Variants in WDR25 observed in about 807,000 individuals in gnomAD.
WDR25 encodes WD repeat-containing protein 25.
In WDR25, 35 loss-of-function variants were observed where a neutral mutation model predicts 47.7. That is an observed-to-expected ratio of 0.73 (90% CI 0.56 to 0.97). The LOEUF (loss-of-function observed/expected upper bound fraction) is 0.97, where lower values mean the gene tolerates loss of function less well. WDR25 is among the 50% of genes least tolerant of loss of function. The pLI, the probability that WDR25 is intolerant of heterozygous loss-of-function variation, is 0.00. For synonymous variants in WDR25, 248 were observed against 278.9 expected, an observed-to-expected ratio of 0.89 and a Z score of 1.10; for missense variants, 634 against 704.7, an observed-to-expected ratio of 0.90 and a Z score of 1.14.
intron 2 of WDR25, among the ~76,000 whole-genome samples, chr14:100,455,987 G>C (rs1899192012): frequency 6.6e-6 from 1 of 152,172 alleles, no homozygotes; most frequent in Non-Finnish European, 1.5e-5. Context: ...TGGAGGTGAG[G>C]AGGTGGGGTA....
chr14:100,454,229 T>C (rs1266158206), intron 2 of WDR25, among the ~76,000 whole-genome samples: 1 of 152,144 alleles, frequency 6.6e-6, no homozygotes, highest in African/African-American at 2.4e-5. Flanking sequence ...GTGAAGCTGG[T>C]GGTGGTGGTG....
chr14:100,426,838 G>T (rs956699173), intron 2 of WDR25, among the ~76,000 whole-genome samples: 1 of 152,142 alleles, frequency 6.6e-6, no homozygotes, highest in Non-Finnish European at 1.5e-5. Flanking sequence ...CAGCAATGCC[G>T]CCTGGTATGG....
intron 2 of WDR25, among the ~76,000 whole-genome samples, chr14:100,401,254 G>C (rs1897374194): frequency 6.6e-6 from 1 of 152,148 alleles, no homozygotes; most frequent in Non-Finnish European, 1.5e-5. Flanking sequence ...CAGAGCCAGA[G>C]AGGCCCAGTT....
chr14:100,397,033 T>C (rs1897274704), intron 2 of WDR25, among the ~76,000 whole-genome samples: 1 of 152,242 alleles, frequency 6.6e-6, no homozygotes, highest in Non-Finnish European at 1.5e-5. Context: ...GAGATGCTGC[T>C]GGAGGGGTGG....
chr14:100,452,040 C>G (rs903929059), intron 2 of WDR25, among the ~76,000 whole-genome samples: 4 of 152,146 alleles, frequency 2.6e-5, no homozygotes, highest in African/African-American at 4.8e-5. Context: ...CATTAATCAC[C>G]CATCCCTTCA....
At chr14:100,521,350 G>A (rs1327991158) in intron 4 of WDR25, among the ~76,000 whole-genome samples, 2 of 152,104 alleles carry the variant, frequency 1.3e-5, no homozygotes, top group Non-Finnish European at 2.9e-5. Context: ...GGTACATTTC[G>A]AGAAATCATC....
chr14:100,380,473 T>C (rs1360601822), intron 1 of WDR25, among the ~76,000 whole-genome samples: 1 of 151,614 alleles, frequency 6.6e-6, no homozygotes, highest in Non-Finnish European at 1.5e-5. Context: ...AAGCCTTTTT[T>C]GTTTTTGTAT....
In WDR25 at chr14:100,428,912, G is replaced by A. The variant is rs908700099; in HGVS notation, c.823-39109G>A. On this transcript the variant is annotated intron_variant, in intron 2 of 6. Transcript: ENST00000402312. The surrounding 1 kb of genome is among the most constrained non-coding windows in gnomAD (Gnocchi z 4.3). Reference sequence around the variant, plus strand: ...CTCTTGCGTCTTTGGCACCAGAGGCGTCATCCCCCGAGCCACTCTGAGTCA... The same window carrying A: ...CTCTTGCGTCTTTGGCACCAGAGGCATCATCCCCCGAGCCACTCTGAGTCA... 6.6e-6 allele frequency among the ~76,000 whole-genome samples: 1 copy of A among 151,980 alleles called. No homozygotes were observed.
At chr14:100,448,703 A>T (rs1305523664) in intron 2 of WDR25, among the ~76,000 whole-genome samples, 1 of 152,136 alleles carries the variant, frequency 6.6e-6, no homozygotes, top group Admixed American at 6.6e-5. Flanking sequence ...CATTATAAAA[A>T]TGCATTGTTT....
rs144655522 is a variant in WDR25, at chr14:100,425,582, A to G, written c.823-42439A>G. Reference sequence around the variant, plus strand: ...CCCTGGCAGCCCAGCTCTCCTAAACATGAAGCTCATCAGGCAGCACCGTCG... The same window carrying G: ...CCCTGGCAGCCCAGCTCTCCTAAACGTGAAGCTCATCAGGCAGCACCGTCG... On this transcript the variant is annotated intron_variant, in intron 2 of 6. Coordinates refer to ENST00000402312, the MANE Select transcript of WDR25 (RefSeq NM_001161476.3). This position sits in a 1 kb window ranked among gnomAD's most constrained non-coding sequence, Gnocchi z 4.8. 2.4e-3 allele frequency among the ~76,000 whole-genome samples: 361 copies of G among 152,326 alleles called. 1 individual carries two copies. The East Asian group carries it at 0.025, about 10-fold the overall frequency.
intron 3 of WDR25, among the ~76,000 whole-genome samples, chr14:100,479,094 T>C (rs933930593): frequency 1.5e-5 from 2 of 136,666 alleles, no homozygotes; most frequent in African/African-American, 5.5e-5. Context: ...GGGACTGCAG[T>C]GGTATCCGTG....
At chr14:100,447,103 A>G (rs1898861213) in intron 2 of WDR25, among the ~76,000 whole-genome samples, 1 of 152,202 alleles carries the variant, frequency 6.6e-6, no homozygotes, top group Non-Finnish European at 1.5e-5. Flanking sequence ...CTCCATTTAT[A>G]ATAACAGCTA....
chr14:100,377,776 G>A (rs1368770550), intron 1 of WDR25, among the ~76,000 whole-genome samples: 2 of 152,170 alleles, frequency 1.3e-5, no homozygotes, highest in Non-Finnish European at 2.9e-5. Context: ...TTGGGGGAAA[G>A]GTGTGGAAGA....
rs2030391376 is a variant in WDR25, at chr14:100,529,829, TA to T, written c.1424del (p.Tyr475SerfsTer15). The T allele has an allele frequency of 6.2e-7, 1 of 1,611,976 alleles. No individual in the cohort carries two copies. Among genetic ancestry groups the T allele is most frequent in the Non-Finnish European group, 8.5e-7 (1 of 1,179,820 alleles). On this transcript the variant is annotated frameshift_variant, in exon 7 of 7. Transcript: ENST00000402312. LOFTEE classifies it high-confidence loss of function. The surrounding 1 kb of genome is among the most constrained non-coding windows in gnomAD (Gnocchi z 5.1). Reference protein sequence around the residue: ...RRYEGHKVEGYSVGCECSPGG... With the variant: ...RRYEGHKVEGXSVGCECSPGG... ...GTGTCCCTCTCTGCAGGTGGAGGGC[TA>T]CTCAGTGGGCTGCGAGTGCTCCCCA...
chr14:100,414,493 A>G (rs151098106), intron 2 of WDR25, among the ~76,000 whole-genome samples: 5,549 of 150,698 alleles, frequency 0.037, 280 homozygotes, highest in African/African-American at 0.12. Flanking sequence ...TTGTATTTTT[A>G]GTAGAGATAG....
chr14:100,412,890 C>T lies in WDR25; in HGVS notation c.822+31144C>T, dbSNP rs1293763203. Among the ~76,000 whole-genome samples, 13 of 152,126 alleles carry T rather than the reference C, an allele frequency of 8.5e-5. No individual in the cohort carries two copies. In the East Asian group the frequency reaches 9.7e-4, roughly 11 times the overall value. On this transcript the variant is annotated intron_variant, in intron 2 of 6. Transcript: ENST00000402312. ...TGTTGCCCAGGCTGGAGTACAGTGGCGCGATCTTGGCTCACTGCAACCTCC... is the reference window on the plus strand; with the variant it reads ...TGTTGCCCAGGCTGGAGTACAGTGGTGCGATCTTGGCTCACTGCAACCTCC...
At position 100,480,979 on chromosome 14, in the gene WDR25, A is replaced by G; in HGVS notation, c.971-3015A>G. 2 of 430,144 alleles carry G rather than the reference A, an allele frequency of 4.6e-6. 1 individual carries two copies. Among genetic ancestry groups the G allele is most frequent in the South Asian group, 3.6e-5 (2 of 55,758 alleles). 26.6% of individuals were successfully genotyped at this position (430,144 alleles called of 1,614,324 possible). ...CCAAGAGGAAGGTCAGCTCTGCTGA[A>G]GGGGCCACCAAGGAAGAGCCCAAGA... On this transcript the variant is annotated intron_variant, in intron 3 of 6. Coordinates refer to ENST00000402312, the MANE Select transcript of WDR25 (RefSeq NM_001161476.3).
chr14:100,494,818 C>T (rs938388178), intron 4 of WDR25, among the ~76,000 whole-genome samples: 8 of 152,328 alleles, frequency 5.3e-5, no homozygotes, highest in African/African-American at 1.9e-4. Flanking sequence ...GTCAGCTAGG[C>T]TGTGATAAAC....
At chr14:100,466,250 G>A (rs1899624955) in intron 2 of WDR25, among the ~76,000 whole-genome samples, 1 of 152,120 alleles carries the variant, frequency 6.6e-6, no homozygotes. Flanking sequence ...AAGGAACTGA[G>A]CTCTCTTCAC....
Sources: allele counts gnomAD v4.1 joint callset (sites outside exome capture counted in the v4.1 genomes callset), GRCh38; gene constraint gnomAD v4.1.1; non-coding constraint Gnocchi (gnomAD v3.1); transcripts MANE v1.5; gene names NCBI Gene and HGNC (gene_info 2026-07-23, HGNC 2026-07-21).